Variants in MIDEAS observed in about 807,000 individuals in gnomAD.
The protein encoded by MIDEAS is mitotic deacetylase-associated SANT domain protein.
A neutral mutation model predicts 102.7 loss-of-function variants in MIDEAS; 26 were observed. That is an observed-to-expected ratio of 0.25 (90% CI 0.19 to 0.35). MIDEAS has a LOEUF of 0.35. Among genes scored for constraint, MIDEAS ranks in the 10% least tolerant of loss-of-function variants. The probability of loss-of-function intolerance (pLI) is 1.00; values close to 1 mark genes in which losing one functional copy is unlikely to be tolerated. For missense variants in MIDEAS, 1,231 were observed against 1,435.6 expected (o/e 0.86, Z 2.30); for synonymous variants, 585 against 591.0 (o/e 0.99, Z 0.15).
rs577815591 is a variant in MIDEAS at position 73,727,934 on chromosome 14, C to T, written c.2096-410G>A. The T allele has an allele frequency of 2.6e-3, 418 of 163,018 alleles. 2 individuals carry two copies. Among genetic ancestry groups the T allele is most frequent in the African/African-American group, 9.3e-3 (391 of 41,880 alleles). The allele number at this position is 163,018 out of a possible 1,614,324, so 10.1% of individuals were successfully genotyped here. ...TAAAGAGACTGAAACTTTGAGCACA[C>T]TAGGGAGGTGGTGAAGGGGATCGCT... On this transcript the variant is annotated intron_variant, in intron 4 of 12. Transcript: ENST00000423556.
chr14:73,719,237 C>T (rs1474787150), intron 12 of MIDEAS, 68 bp downstream of exon 12: 2 of 1,478,574 alleles, frequency 1.4e-6, no homozygotes, highest in African/African-American at 1.4e-5. Context: ...CTCCCCTCCA[C>T]CCCACCCCCG....
In MIDEAS at chr14:73,722,755, C is replaced by G. The variant is rs764482730; in HGVS notation, c.2667G>C (p.Gly889=). The G allele has an allele frequency of 1.9e-6, 3 of 1,614,160 alleles. No homozygotes were observed. In the South Asian group the frequency reaches 3.3e-5, roughly 18 times the overall value. Residue 889 remains glycine, a synonymous_variant, in exon 10 of 13, where the codon GGG becomes GGC. Coordinates refer to ENST00000423556, the MANE Select transcript of MIDEAS (RefSeq NM_001367710.1). The stretch of plus-strand genomic sequence containing the variant: ...ACTTCTCATCGCTCGTATCCACATC[C>G]CCAAAGGTTAGAGTCCCATTGCGGC... ...KIGRNGTLTF[G]DVDTSDEKSA...
At position 73,725,517 on chromosome 14, in the gene MIDEAS, G is replaced by A. The variant is rs115691568; in HGVS notation, c.2486-157C>T. On this transcript the variant is annotated intron_variant, in intron 8 of 12. Transcript: ENST00000423556. The surrounding 1 kb of genome is among the most constrained non-coding windows in gnomAD (Gnocchi z 4.1). ...CCACTTCCATGTGCCTCACAGCCTC[G>A]CTCCCTTGCTTGTGAAATGGAAACT... is the stretch of plus-strand genomic sequence containing the variant. Among the ~76,000 whole-genome samples, 261 of 152,268 alleles carry A rather than the reference G, an allele frequency of 1.7e-3. 1 individual carries two copies. The highest frequency in any genetic ancestry group is 6.0e-3 in the African/African-American group (249 of 41,548).
Position 73,745,785 on chromosome 14 carries a change from G to T in MIDEAS, c.-247-5530C>A, listed in dbSNP as rs183957480. On this transcript the variant is annotated intron_variant, in intron 1 of 12. Transcript: ENST00000423556. ...GGACACATAAGCACTATTCTCAAGGGGTTTGCAAACAAGGAGGCTCTGATA... is the reference window on the plus strand; with the variant it reads ...GGACACATAAGCACTATTCTCAAGGTGTTTGCAAACAAGGAGGCTCTGATA... 2.2e-3 allele frequency among the ~76,000 whole-genome samples: 340 copies of T among 152,308 alleles called. 4 individuals are homozygous for T. The South Asian group carries it at 0.025, about 11-fold the overall frequency.
At position 73,726,019 on chromosome 14, in the gene MIDEAS, G is replaced by A. The variant is rs954355033; in HGVS notation, c.2485+14C>T. 21 of 1,579,560 alleles carry A rather than the reference G, an allele frequency of 1.3e-5. No homozygotes were observed. The Admixed American group carries it at 1.9e-4, about 14-fold the overall frequency. On this transcript the variant is annotated intron_variant, in intron 8 of 12. Coordinates refer to ENST00000423556, the MANE Select transcript of MIDEAS (RefSeq NM_001367710.1). ...TGAGGCTCCAGGCACCATGCCCACC[G>A]CAGCCAGGCCCACCTGTGTAGTGAT... is the stretch of plus-strand genomic sequence containing the variant.
chr14:73,781,733 T>TTAAA lies in MIDEAS; in HGVS notation c.-248+5368_-248+5369insTTTA, dbSNP rs1566612792. Among the ~76,000 whole-genome samples the TTAAA allele has an allele frequency of 9.0e-4, 10 of 11,072 alleles. No homozygotes were observed. In the East Asian group the frequency reaches 0.04, roughly 45 times the overall value. 7.3% of individuals were successfully genotyped at this position (11,072 alleles called of 152,430 possible). On this transcript the variant is annotated intron_variant, in intron 1 of 11. Transcript: ENST00000394071. ...TGGGCAACAAGAGCGAAACTCTGTC[T>TTAAA]CAAAAAAAAAAAAAAAAAAAAAACT...
rs1322567846 is a variant in MIDEAS, at chr14:73,740,143, C to T, written c.-135G>A. 2 of 1,187,852 alleles carry T rather than the reference C, an allele frequency of 1.7e-6. No homozygotes were observed. Among genetic ancestry groups the T allele is most frequent in the Non-Finnish European group, 2.2e-6 (2 of 914,566 alleles). 73.6% of individuals were successfully genotyped at this position (1,187,852 alleles called of 1,614,324 possible). A position where few individuals can be genotyped will look rare whatever the true frequency, so the allele number is the denominator to read the frequency against. On this transcript the variant is annotated 5_prime_UTR_variant, in exon 2 of 13. Coordinates refer to ENST00000423556, the MANE Select transcript of MIDEAS (RefSeq NM_001367710.1). ...AGCAGGGGCAGAGGAAGACGCTGGA[C>T]AGTGAGGTCGGACACTGGGAGAAAG...
intron 3 of MIDEAS, among the ~76,000 whole-genome samples, chr14:73,735,265 CA>C (rs2053187315): frequency 6.6e-6 from 1 of 152,104 alleles, no homozygotes; most frequent in Admixed American, 6.5e-5. Flanking sequence ...ATGTTCTCAC[CA>C]CAAAAAAATA....
rs566035680 is a variant in MIDEAS, at chr14:73,779,288, A to G, written c.-248+7814T>C. Among the ~76,000 whole-genome samples, 583 of 150,040 alleles carry G rather than the reference A, an allele frequency of 3.9e-3. 15 individuals carry two copies. Among genetic ancestry groups the G allele is most frequent in the Admixed American group, 0.033 (494 of 14,994 alleles). ...CGGGTGCCTGTAGTCCCAGCTACTCAGGAGGGTGAGGGAGGAGAATCACTT... is the reference window on the plus strand; with the variant it reads ...CGGGTGCCTGTAGTCCCAGCTACTCGGGAGGGTGAGGGAGGAGAATCACTT... On this transcript the variant is annotated intron_variant, in intron 1 of 11. Transcript: ENST00000394071.
In MIDEAS at chr14:73,739,349, T is replaced by A; in HGVS notation, c.660A>T (p.Ala220=). The change falls in exon 2 of 13, where the codon GCA becomes GCT. Residue 220 remains alanine, a synonymous_variant. Coordinates refer to ENST00000423556, the MANE Select transcript of MIDEAS (RefSeq NM_001367710.1). The stretch of plus-strand genomic sequence containing the variant: ...CCTGCCGGTTCACCTGGTGGCCGAA[T>A]GCCAGCTGGAAGGGTTGCAGGGGCA... ...QSLPLQPFQL[A]FGHQVNRQVF... The A allele has an allele frequency of 6.2e-7, 1 of 1,602,818 alleles. No individual in the cohort carries two copies. The highest frequency in any genetic ancestry group is 8.5e-7 in the Non-Finnish European group (1 of 1,173,210).
intron 1 of MIDEAS, among the ~76,000 whole-genome samples, chr14:73,772,367 T>C (rs934402654): frequency 6.6e-6 from 1 of 152,270 alleles, no homozygotes; most frequent in Non-Finnish European, 1.5e-5. Context: ...CCAAATCCAG[T>C]TATTGGCATT....
intron 3 of MIDEAS, among the ~76,000 whole-genome samples, chr14:73,736,373 T>C (rs1193999627): frequency 1.3e-5 from 2 of 152,122 alleles, no homozygotes; most frequent in Non-Finnish European, 2.9e-5. Context: ...GGCTCACACC[T>C]GTAATCCCAA....
exon 1 of MIDEAS, chr14:73,787,244 G>C (rs975372979): frequency 4.7e-5 from 7 of 148,694 alleles, no homozygotes. Context: ...TGTGCGGCCC[G>C]GGCTGTGACC....
intron 1 of MIDEAS, among the ~76,000 whole-genome samples, chr14:73,757,291 A>AAAAAAAAAAAAAC: frequency 6.6e-6 from 1 of 150,590 alleles, no homozygotes; most frequent in African/African-American, 2.5e-5. Flanking sequence ...AAAAAAAAAA[A>AAAAAAAAAAAAAC]AAACACTAAA....
At chr14:73,776,081 C>T (rs562621356) in intron 1 of MIDEAS, among the ~76,000 whole-genome samples, 1 of 152,098 alleles carries the variant, frequency 6.6e-6, no homozygotes, top group African/African-American at 2.4e-5. Flanking sequence ...ACCTCGCAAA[C>T]ACCCTGTGGC....
At chr14:73,722,657 CA>C (rs1307435143) in intron 10 of MIDEAS, 40 bp downstream of exon 10, 1 of 1,605,090 alleles carries the variant, frequency 6.2e-7, no homozygotes, top group Non-Finnish European at 8.5e-7. Context: ...GTCCCAGACC[CA>C]GCCCAGGCTC....
At chr14:73,757,941 CAG>C (rs956466875) in intron 1 of MIDEAS, among the ~76,000 whole-genome samples, 1 of 152,190 alleles carries the variant, frequency 6.6e-6, no homozygotes, top group Non-Finnish European at 1.5e-5. Context: ...GAGGAGCTGA[CAG>C]AGTCACGGGA....
upstream of MIDEAS, chr14:73,789,185 A>G (rs2053846191): frequency 1.3e-5 from 2 of 152,056 alleles, no homozygotes; most frequent in Admixed American, 1.3e-4. Flanking sequence ...GTTCTGACAA[A>G]TAGAATATGG....
Position 73,740,179 on chromosome 14 carries a change from T to A in MIDEAS, c.-171A>T. 1.4e-6 allele frequency: 1 copy of A among 711,438 alleles called. No homozygotes were observed. Among genetic ancestry groups the A allele is most frequent in the Non-Finnish European group, 2.0e-6 (1 of 503,116 alleles). The allele number at this position is 711,438 out of a possible 1,614,324, so 44.1% of individuals were successfully genotyped here. A position where few individuals can be genotyped will look rare whatever the true frequency, so the allele number is the denominator to read the frequency against. On this transcript the variant is annotated 5_prime_UTR_variant, in exon 2 of 13. Coordinates refer to ENST00000423556, the MANE Select transcript of MIDEAS (RefSeq NM_001367710.1). Reference sequence around the variant, plus strand: ...GACACTGGGAGAAAGAACTGCTGGCTCTTCCTTTCTCTTCCAGAGAGGCTC... The same window carrying A: ...GACACTGGGAGAAAGAACTGCTGGCACTTCCTTTCTCTTCCAGAGAGGCTC...
Sources: allele counts gnomAD v4.1 joint callset (sites outside exome capture counted in the v4.1 genomes callset), GRCh38; gene constraint gnomAD v4.1.1; non-coding constraint Gnocchi (gnomAD v3.1); transcripts MANE v1.5; gene names NCBI Gene and HGNC (gene_info 2026-07-23, HGNC 2026-07-21).